ZNF385D: variants seen among roughly 807,000 people sequenced by gnomAD.
The protein encoded by ZNF385D is zinc finger protein 385D.
A neutral mutation model predicts 35.8 loss-of-function variants in ZNF385D; 15 were observed. That is an observed-to-expected ratio of 0.42 (90% CI 0.28 to 0.64). The LOEUF (loss-of-function observed/expected upper bound fraction) is 0.64. Among genes scored for constraint, ZNF385D ranks in the 30% least tolerant of loss-of-function variants. The pLI, the probability that ZNF385D is intolerant of heterozygous loss-of-function variation, is 0.23. For missense variants in ZNF385D, 474 were observed against 494.6 expected, an observed-to-expected ratio of 0.96 and a Z score of 0.39; for synonymous variants, 212 against 186.8, an observed-to-expected ratio of 1.13 and a Z score of -1.10.
intron 3 of ZNF385D, among the ~76,000 whole-genome samples, chr3:22,117,067 G>T (rs1042518705): frequency 6.6e-6 from 1 of 152,010 alleles, no homozygotes; most frequent in Non-Finnish European, 1.5e-5. Context: ...AATTCAAACT[G>T]ACCCCAAATT....
At chr3:21,838,700 TTAA>T (rs974318577) in intron 3 of ZNF385D, among the ~76,000 whole-genome samples, 1 of 152,068 alleles carries the variant, frequency 6.6e-6, no homozygotes, top group Admixed American at 6.6e-5. Flanking sequence ...AGAAACCCTG[TTAA>T]TAATATGATC....
chr3:22,225,052 C>T (rs1698472956), intron 2 of ZNF385D, among the ~76,000 whole-genome samples: 2 of 152,128 alleles, frequency 1.3e-5, no homozygotes, highest in Admixed American at 1.3e-4. Context: ...ATTAACAATG[C>T]AATATTTGCA....
chr3:21,873,580 G>A (rs1697806432), intron 3 of ZNF385D, among the ~76,000 whole-genome samples: 2 of 152,034 alleles, frequency 1.3e-5, no homozygotes, highest in African/African-American at 4.8e-5. Flanking sequence ...CTGATCTGCA[G>A]AACTTTTGCA....
At chr3:21,740,401 A>G (rs2069455109) in intron 1 of ZNF385D, among the ~76,000 whole-genome samples, 1 of 152,162 alleles carries the variant, frequency 6.6e-6, no homozygotes, top group Admixed American at 6.5e-5. Context: ...TTATAATATA[A>G]TCTTCAGGTA....
chr3:22,046,601 T>C (rs569706937), intron 3 of ZNF385D, among the ~76,000 whole-genome samples: 1 of 152,148 alleles, frequency 6.6e-6, no homozygotes, highest in Non-Finnish European at 1.5e-5. Context: ...TTTCCTTTCA[T>C]CTTCATTCAT....
intron 2 of ZNF385D, among the ~76,000 whole-genome samples, chr3:22,204,575 C>A (rs556425850): frequency 6.6e-6 from 1 of 151,756 alleles, no homozygotes; most frequent in Non-Finnish European, 1.5e-5. Context: ...ACAGAGAATT[C>A]GAAACAGCTG....
At chr3:21,962,431 A>T (rs1241242603) in intron 3 of ZNF385D, among the ~76,000 whole-genome samples, 2 of 152,214 alleles carry the variant, frequency 1.3e-5, no homozygotes. Context: ...TGGAAATGTT[A>T]ACCTTGAGGT....
intron 3 of ZNF385D, among the ~76,000 whole-genome samples, chr3:21,550,113 C>G (rs1395297175): frequency 6.6e-6 from 1 of 152,098 alleles, no homozygotes; most frequent in Non-Finnish European, 1.5e-5. Flanking sequence ...CAGTAATTCT[C>G]TTTTCCTTTA....
At chr3:21,599,128 T>C (rs547456387) in intron 2 of ZNF385D, among the ~76,000 whole-genome samples, 1 of 152,344 alleles carries the variant, frequency 6.6e-6, no homozygotes, top group East Asian at 1.9e-4. Context: ...AAATGCCGTT[T>C]CTCATTGCAG....
At chr3:22,117,316 A>G (rs1002682171) in intron 3 of ZNF385D, among the ~76,000 whole-genome samples, 34 of 152,170 alleles carry the variant, frequency 2.2e-4, no homozygotes, top group Non-Finnish European at 3.5e-4. Context: ...TGTTCCTTCC[A>G]AGATAAGCAG....
intron 3 of ZNF385D, among the ~76,000 whole-genome samples, chr3:22,053,349 A>G (rs1371776438): frequency 4.8e-5 from 2 of 41,980 alleles, no homozygotes; most frequent in Non-Finnish European, 9.1e-5. Flanking sequence ...TTTTGAAAGG[A>G]TCAACAAAAT....
At chr3:22,214,085 T>A (rs1283234783) in intron 2 of ZNF385D, among the ~76,000 whole-genome samples, 1 of 152,062 alleles carries the variant, frequency 6.6e-6, no homozygotes. Flanking sequence ...ACGGAGGGAC[T>A]GGCTGAAGCC....
At position 21,421,554 on chromosome 3, in the gene ZNF385D, G is replaced by A. The variant is rs558509864; in HGVS notation, c.955-107C>T. ...AAATATAGCAGTAAACAACTATAAA[G>A]AAAAAAGCTTCACACTTGTGAACTG... On this transcript the variant is annotated intron_variant, in intron 7 of 7. Transcript: ENST00000281523. The A allele has an allele frequency of 8.6e-6, 6 of 699,296 alleles. No homozygotes were observed. In the South Asian group the frequency reaches 1.2e-4, roughly 14 times the overall value. The allele number at this position is 699,296 out of a possible 1,614,324, so 43.3% of individuals were successfully genotyped here.
intron 3 of ZNF385D, among the ~76,000 whole-genome samples, chr3:22,124,318 C>T (rs1205993629): frequency 6.6e-6 from 1 of 152,068 alleles, no homozygotes; most frequent in Non-Finnish European, 1.5e-5. Flanking sequence ...TTTTCATTAT[C>T]CATTCATCTG....
chr3:21,898,625 T>A (rs1699254781), intron 3 of ZNF385D, among the ~76,000 whole-genome samples: 1 of 152,166 alleles, frequency 6.6e-6, no homozygotes, highest in African/African-American at 2.4e-5. Flanking sequence ...AATGTGTCAG[T>A]TAGGAAGCAT....
At position 22,327,756 on chromosome 3, in the gene ZNF385D, A is replaced by G. The variant is rs978019427; in HGVS notation, c.106+44694T>C. 2.0e-5 allele frequency among the ~76,000 whole-genome samples: 3 copies of G among 152,142 alleles called. No individual in the cohort carries two copies. The South Asian group carries it at 6.2e-4, about 32-fold the overall frequency. On this transcript the variant is annotated intron_variant, in intron 2 of 5. Transcript: ENST00000494108. ...ACGGAGCTCTAGGCAAGGAGAAGGG[A>G]GCTATATTTCAGTGATGCTGCATAG...
At chr3:21,514,381 A>C (rs1435083423) in intron 3 of ZNF385D, among the ~76,000 whole-genome samples, 1 of 152,202 alleles carries the variant, frequency 6.6e-6, no homozygotes, top group Non-Finnish European at 1.5e-5. Flanking sequence ...GGACGTGAGC[A>C]AAACAATAAG....
intron 3 of ZNF385D, among the ~76,000 whole-genome samples, chr3:22,021,494 T>A (rs1576167698): frequency 6.6e-6 from 1 of 152,212 alleles, no homozygotes; most frequent in South Asian, 2.1e-4. Context: ...AGGTTTTGAA[T>A]CCTGACTCCA....
chr3:22,351,618 T>A (rs1695918975), intron 2 of ZNF385D, among the ~76,000 whole-genome samples: 1 of 152,134 alleles, frequency 6.6e-6, no homozygotes, highest in South Asian at 2.1e-4. Flanking sequence ...CCAATAACTC[T>A]GTATAATGAG....
Sources: allele counts gnomAD v4.1 joint callset (sites outside exome capture counted in the v4.1 genomes callset), GRCh38; gene constraint gnomAD v4.1.1; transcripts MANE v1.5; gene names NCBI Gene and HGNC (gene_info 2026-07-23, HGNC 2026-07-21).